CDH4: variants seen among roughly 807,000 people sequenced by gnomAD.
The protein encoded by CDH4 is cadherin 4, also known as cadherin-4.
CDH4 carries 33 observed loss-of-function variants against 86.0 expected under a neutral mutation model. The ratio of observed to expected loss-of-function variants is 0.38; its 90% CI spans 0.29 to 0.51. The LOEUF (loss-of-function observed/expected upper bound fraction) is 0.51, where lower values mean the gene tolerates loss of function less well. Ranked by LOEUF, CDH4 falls within the 20% of genes least tolerant of loss-of-function variation. CDH4 has a pLI of 0.86. For missense variants in CDH4, 1,114 were observed against 1,307.4 expected (o/e 0.85, Z 2.28); for synonymous variants, 555 against 549.4 (o/e 1.01, Z -0.14).
intron 2 of CDH4, among the ~76,000 whole-genome samples, chr20:61,340,589 CT>C (rs369441824): frequency 0.029 from 4,129 of 144,700 alleles, 182 homozygotes; most frequent in African/African-American, 0.094. Context: ...TTATATGTTT[CT>C]TTTTTTTTTT....
chr20:61,714,551 G>T (rs11907777), intron 2 of CDH4, among the ~76,000 whole-genome samples: 17,674 of 151,974 alleles, frequency 0.12, 1,478 homozygotes, highest in South Asian at 0.35. Context: ...TTAATCTCTC[G>T]CTACCCTCCC....
intron 4 of CDH4, among the ~76,000 whole-genome samples, chr20:61,797,834 G>A (rs540306882): frequency 1.3e-5 from 2 of 152,292 alleles, no homozygotes; most frequent in African/African-American, 2.4e-5. Flanking sequence ...CCCCACTGAG[G>A]TTCTGGCGGA....
At chr20:61,844,893 G>A (rs945584916) in intron 5 of CDH4, 70 bp downstream of exon 5, 1 of 1,501,756 alleles carries the variant, frequency 6.7e-7, no homozygotes. Flanking sequence ...GCCTTGGCAG[G>A]TGCCCCCAGC....
At chr20:61,551,644 C>G (rs2086130585) in intron 2 of CDH4, among the ~76,000 whole-genome samples, 1 of 152,168 alleles carries the variant, frequency 6.6e-6, no homozygotes, top group Non-Finnish European at 1.5e-5. Context: ...GGAGTGTGGT[C>G]CATTCATTCC....
chr20:61,732,685 C>T (rs537637004), intron 2 of CDH4, among the ~76,000 whole-genome samples: 3 of 152,358 alleles, frequency 2.0e-5, no homozygotes, highest in Non-Finnish European at 2.9e-5. Context: ...CAGCTCATCA[C>T]GCATGGTCCC....
intron 2 of CDH4, among the ~76,000 whole-genome samples, chr20:61,736,548 G>T (rs984310555): frequency 6.6e-6 from 1 of 152,040 alleles, no homozygotes; most frequent in Non-Finnish European, 1.5e-5. Flanking sequence ...TGTGTCTGGT[G>T]TCTGCTGACT....
At chr20:61,405,766 T>G (rs2085078231) in intron 2 of CDH4, among the ~76,000 whole-genome samples, 2 of 151,724 alleles carry the variant, frequency 1.3e-5, no homozygotes, top group Admixed American at 1.3e-4. Flanking sequence ...CAATTTCAGC[T>G]CACTGCAAGC....
intron 2 of CDH4, among the ~76,000 whole-genome samples, chr20:61,597,287 C>G (rs1362468387): frequency 2.6e-5 from 4 of 152,236 alleles, no homozygotes; most frequent in Non-Finnish European, 4.4e-5. Flanking sequence ...AGGTCTGTTC[C>G]CTCCACCCTG....
intron 9 of CDH4, among the ~76,000 whole-genome samples, chr20:61,921,798 C>A (rs971752478): frequency 5.9e-5 from 9 of 151,708 alleles, no homozygotes; most frequent in Non-Finnish European, 1.3e-4. Context: ...AAATAGAGAG[C>A]AAACTCACAA....
At chr20:61,839,747 ATGTT>A (rs57338283) in intron 4 of CDH4, among the ~76,000 whole-genome samples, 4,932 of 148,984 alleles carry the variant, frequency 0.033, 171 homozygotes, top group East Asian at 0.11. Context: ...GTGTACATGT[ATGTT>A]TGTGTGTTGT....
intron 2 of CDH4, among the ~76,000 whole-genome samples, chr20:61,651,662 T>C (rs2087122171): frequency 6.6e-6 from 1 of 152,216 alleles, no homozygotes; most frequent in Admixed American, 6.5e-5. Flanking sequence ...TGGTCAGCAT[T>C]GCTGCAGGGG....
chr20:61,533,542 C>G (rs2085972157), intron 2 of CDH4, among the ~76,000 whole-genome samples: 1 of 152,384 alleles, frequency 6.6e-6, no homozygotes, highest in East Asian at 1.9e-4. Context: ...TGGCGGGGCC[C>G]TGGCCGGGGC....
chr20:61,652,074 C>A (rs577306817), intron 2 of CDH4, among the ~76,000 whole-genome samples: 42 of 152,326 alleles, frequency 2.8e-4, no homozygotes, highest in African/African-American at 9.9e-4. Context: ...AGCCTGTGGT[C>A]CCAGGGAGGA....
At chr20:61,635,311 G>T (rs1407019327) in intron 2 of CDH4, among the ~76,000 whole-genome samples, 1 of 152,180 alleles carries the variant, frequency 6.6e-6, no homozygotes, top group Non-Finnish European at 1.5e-5. Context: ...GTGAATGTCT[G>T]TTTTTTTATA....
intron 2 of CDH4, among the ~76,000 whole-genome samples, chr20:61,334,319 G>A (rs896324220): frequency 2.6e-5 from 4 of 152,192 alleles, no homozygotes; most frequent in Non-Finnish European, 5.9e-5. Flanking sequence ...CTGTGAGCTG[G>A]TTTTCCTTGT....
intron 2 of CDH4, among the ~76,000 whole-genome samples, chr20:61,583,805 C>T (rs552192497): frequency 2.0e-4 from 31 of 152,350 alleles, no homozygotes; most frequent in African/African-American, 6.3e-4. Flanking sequence ...GACAGCGTGT[C>T]GCTGGATGGA....
chr20:61,773,231 A>G, intron 4 of CDH4, 49 bp downstream of exon 4: 1 of 1,466,496 alleles, frequency 6.8e-7, no homozygotes. Flanking sequence ...CGTTAGCAGT[A>G]GGCTCTTCTC....
At position 61,923,978 on chromosome 20, in the gene CDH4, ATAG is replaced by A. The variant is rs1205864135; in HGVS notation, c.1628+275_1628+277del. Among the ~76,000 whole-genome samples the A allele has an allele frequency of 2.0e-5, 3 of 152,210 alleles. No individual in the cohort carries two copies. In the East Asian group the frequency reaches 5.8e-4, roughly 29 times the overall value. ...CCGGCCCGATCCTGGCCACACTCTC[ATAG>A]CTATAAGACTCAGCAACCTCCTGCC... On this transcript the variant is annotated intron_variant, in intron 10 of 15. Coordinates refer to ENST00000614565, the MANE Select transcript of CDH4 (RefSeq NM_001794.5).
chr20:61,716,821 T>C (rs1007032236), intron 2 of CDH4, among the ~76,000 whole-genome samples: 1 of 152,126 alleles, frequency 6.6e-6, no homozygotes, highest in African/African-American at 2.4e-5. Flanking sequence ...AGCAGGAGAA[T>C]TGCTCAAACC....
Sources: allele counts gnomAD v4.1 joint callset (sites outside exome capture counted in the v4.1 genomes callset), GRCh38; gene constraint gnomAD v4.1.1; transcripts MANE v1.5; gene names NCBI Gene and HGNC (gene_info 2026-07-23, HGNC 2026-07-21).